The following GLS2 variants were observed in gnomAD, a reference collection of about 807,000 sequenced individuals.
GLS2 encodes the protein glutaminase liver isoform, mitochondrial.
GLS2 carries 52 observed loss-of-function variants against 79.0 expected under a neutral mutation model. That is an observed-to-expected ratio of 0.66 (90% CI 0.53 to 0.83). The LOEUF (loss-of-function observed/expected upper bound fraction) is 0.83. GLS2 is among the 40% of genes least tolerant of loss of function. GLS2 has a pLI of 0.00. For missense variants in GLS2, 561 were observed against 764.8 expected, an observed-to-expected ratio of 0.73 and a Z score of 3.14; for synonymous variants, 238 against 280.8, an observed-to-expected ratio of 0.85 and a Z score of 1.52.
At position 56,487,893 on chromosome 12, in the gene GLS2, G is replaced by A. The variant is rs751091328; in HGVS notation, c.182+44C>T. On this transcript the variant is annotated intron_variant, in intron 1 of 17. Transcript: ENST00000311966. ...CGGGAACTAGCGAGAACCACAGTGG[G>A]AGTGGGGGCAAGCCCGTCCCCTGCC... 2.5e-5 allele frequency: 40 copies of A among 1,575,844 alleles called. No homozygotes were observed. In the African/African-American group the frequency reaches 4.9e-4, roughly 19 times the overall value.
At chr12:56,485,799 T>G (rs1870634097) in intron 1 of GLS2, among the ~76,000 whole-genome samples, 1 of 151,994 alleles carries the variant, frequency 6.6e-6, no homozygotes, top group South Asian at 2.1e-4. Flanking sequence ...CCCAGCACTT[T>G]GGGAGGCCGA....
At chr12:56,475,280 C>G in intron 9 of GLS2, 170 bp from the exon 10 acceptor site, 1 of 1,503,434 alleles carries the variant, frequency 6.7e-7, no homozygotes, top group Non-Finnish European at 9.0e-7. Context: ...TGAGCAAACA[C>G]TCAGCATAGT....
intron 12 of GLS2, 155 bp downstream of exon 12, chr12:56,474,389 G>A: frequency 3.5e-6 from 3 of 868,920 alleles, no homozygotes; most frequent in Non-Finnish European, 5.2e-6. Flanking sequence ...TGGTGTTTTT[G>A]AGAAACTCGT....
intron 9 of GLS2, 143 bp from the exon 10 acceptor site, chr12:56,475,253 G>A: frequency 4.5e-6 from 7 of 1,571,148 alleles, no homozygotes; most frequent in South Asian, 2.3e-5. Context: ...AGTAATATTA[G>A]AGGAAATTTC....
chr12:56,480,273 T>G lies in GLS2; in HGVS notation c.282+15A>C. On this transcript the variant is annotated intron_variant, in intron 2 of 17. Transcript: ENST00000311966. ...TTAAGGAATTAGGATCCTGAACAGG[T>G]AGAGGGCAACTTACAGTGGTGAACT... is the stretch of plus-strand genomic sequence containing the variant. The G allele has an allele frequency of 2.5e-6, 4 of 1,607,040 alleles. No individual in the cohort carries two copies. Among genetic ancestry groups the G allele is most frequent in the Non-Finnish European group, 3.4e-6 (4 of 1,173,676 alleles).
At position 56,474,828 on chromosome 12, in the gene GLS2, T is replaced by C; in HGVS notation, c.1047+18A>G. The C allele has an allele frequency of 6.2e-7, 1 of 1,613,726 alleles. No individual in the cohort carries two copies. Among genetic ancestry groups the C allele is most frequent in the Non-Finnish European group, 8.5e-7 (1 of 1,179,878 alleles). On this transcript the variant is annotated intron_variant, in intron 11 of 17. Transcript: ENST00000311966. ...ACAGTCTGTCCTGTTCCCTCGGCCCTGAGCAGTGTTTTCTTACCTGGAAGT... is the reference window on the plus strand; with the variant it reads ...ACAGTCTGTCCTGTTCCCTCGGCCCCGAGCAGTGTTTTCTTACCTGGAAGT...
intron 15 of GLS2, 21 bp downstream of exon 15, chr12:56,472,669 A>T: frequency 6.2e-7 from 1 of 1,608,666 alleles, no homozygotes. Flanking sequence ...TATTGTGTAT[A>T]TTTGGTCACA....
chr12:56,480,554 G>C, intron 1 of GLS2, 167 bp from the exon 2 acceptor site: 1 of 601,292 alleles, frequency 1.7e-6, no homozygotes, highest in Non-Finnish European at 3.0e-6. Context: ...GTCCTAAGAA[G>C]TTGTAGATCT....
chr12:56,483,633 AT>A (rs1870472721), intron 1 of GLS2, among the ~76,000 whole-genome samples: 1 of 151,988 alleles, frequency 6.6e-6, no homozygotes, highest in African/African-American at 2.4e-5. Context: ...GTTTTTAGAG[AT>A]GGGGTTTAGC....
At chr12:56,480,788 T>C (rs1051265241) in intron 1 of GLS2, among the ~76,000 whole-genome samples, 1 of 152,202 alleles carries the variant, frequency 6.6e-6, no homozygotes, top group African/African-American at 2.4e-5. Flanking sequence ...TGCCACACCT[T>C]AAGTCCATGC....
Position 56,472,151 on chromosome 12 carries a change from G to C in GLS2, c.1556C>G (p.Ser519Trp), listed in dbSNP as rs756058907. Residue 519 changes from serine (S) to tryptophan (W), a missense_variant, in exon 16 of 18, where the codon TCG becomes TGG. By Grantham distance (177) the Ser-to-Trp change is radical. This residue lies in a region of GLS2 where 136 missense variants were observed against 228.6 expected (regional missense o/e 0.59). Coordinates refer to ENST00000311966, the MANE Select transcript of GLS2 (RefSeq NM_013267.4). ...AMDMEQKDYD[S>W]RTALHVAAAE... ...TGCAGCAACATGCAGAGCTGTGCGCGAGTCATAGTCTTTCTGTTCCATATC... is the reference window on the plus strand; with the variant it reads ...TGCAGCAACATGCAGAGCTGTGCGCCAGTCATAGTCTTTCTGTTCCATATC... 3.7e-6 allele frequency: 6 copies of C among 1,614,152 alleles called. No individual in the cohort carries two copies. The highest frequency in any genetic ancestry group is 5.1e-6 in the Non-Finnish European group (6 of 1,180,020).
chr12:56,475,528 C>G (rs1360568127), intron 9 of GLS2, 96 bp downstream of exon 9: 2 of 1,304,148 alleles, frequency 1.5e-6, no homozygotes, highest in East Asian at 2.3e-5. Flanking sequence ...ATTTCTTCCT[C>G]CTAAGATTCT....
Position 56,478,138 on chromosome 12 carries a change from C to T in GLS2, c.615-42G>A, listed in dbSNP as rs368933294. On this transcript the variant is annotated intron_variant, in intron 5 of 17. Coordinates refer to ENST00000311966, the MANE Select transcript of GLS2 (RefSeq NM_013267.4). ...GCCATGAAAGGGGTTGGCCTGTGTT[C>T]GGCACCTGTGCCCTGCCTCCCCTTC... 3.5e-5 allele frequency: 56 copies of T among 1,613,606 alleles called. 1 individual carries two copies. The Admixed American group carries it at 5.7e-4, about 16-fold the overall frequency.
At chr12:56,479,652 TTATGTAA>T (rs1870126471) in intron 3 of GLS2, 121 bp downstream of exon 3, 1 of 1,137,632 alleles carries the variant, frequency 8.8e-7, no homozygotes, top group Non-Finnish European at 1.2e-6. Context: ...CATGTATAAC[TTATGTAA>T]TAAGTAATAA....
intron 1 of GLS2, among the ~76,000 whole-genome samples, chr12:56,482,820 C>T (rs1870397423): frequency 6.6e-6 from 1 of 152,186 alleles, no homozygotes; most frequent in Non-Finnish European, 1.5e-5. Context: ...CGATCTCAAA[C>T]TCCTGGACTC....
At chr12:56,484,357 C>T (rs1333393417) in intron 1 of GLS2, among the ~76,000 whole-genome samples, 2 of 152,118 alleles carry the variant, frequency 1.3e-5, no homozygotes, top group Admixed American at 6.5e-5. Context: ...TGGGAGGATA[C>T]TTTTCACTAT....
rs1163131334 is a variant in GLS2, at chr12:56,487,929, A to G, written c.182+8T>C. The G allele has an allele frequency of 6.2e-7, 1 of 1,601,626 alleles. No individual in the cohort carries two copies. The highest frequency in any genetic ancestry group is 1.7e-5 in the Admixed American group (1 of 59,870). On this transcript the variant is annotated splice_region_variant and intron_variant, in intron 1 of 17. Coordinates refer to ENST00000311966, the MANE Select transcript of GLS2 (RefSeq NM_013267.4). ...AGCCCGTCCCCTGCCCTGTCCCAGG[A>G]GCCTTACTGATCCTGGTGCTGCGGC...
chr12:56,472,466 C>G, intron 15 of GLS2: 1 of 605,016 alleles, frequency 1.7e-6, no homozygotes, highest in South Asian at 2.0e-5. Context: ...TCCTAGGACA[C>G]TGCTCTTAAC....
In GLS2 at chr12:56,471,765, T is replaced by C. The variant is rs1869292585; in HGVS notation, c.1652+8A>G. ...CCCACCCTCCTCCACTTTTAGCCTA[T>C]TCCTCACCTGTCCTTGGCAAAAGGA... On this transcript the variant is annotated splice_region_variant and intron_variant, in intron 17 of 17. Coordinates refer to ENST00000311966, the MANE Select transcript of GLS2 (RefSeq NM_013267.4). The C allele has an allele frequency of 2.5e-6, 4 of 1,614,148 alleles. No homozygotes were observed. The East Asian group carries it at 8.9e-5, about 36-fold the overall frequency.
Sources: allele counts gnomAD v4.1 joint callset (sites outside exome capture counted in the v4.1 genomes callset), GRCh38; gene constraint gnomAD v4.1.1; regional missense constraint gnomAD v4.1.1; transcripts MANE v1.5; gene names NCBI Gene and HGNC (gene_info 2026-07-23, HGNC 2026-07-21).